KIAA0930: variants seen among roughly 807,000 people sequenced by gnomAD.
KIAA0930 encodes the protein KIAA0930, also known as uncharacterized protein KIAA0930.
Under a neutral mutation model 43.9 loss-of-function variants are expected in KIAA0930, and 24 were observed. The ratio of observed to expected loss-of-function variants is 0.55; its 90% CI spans 0.40 to 0.77. The LOEUF is 0.77. Among genes scored for constraint, KIAA0930 ranks in the 30% least tolerant of loss-of-function variants. The pLI is 0.00. For missense variants in KIAA0930, 461 were observed against 574.2 expected, an observed-to-expected ratio of 0.80 and a Z score of 2.02; for synonymous variants, 259 against 216.4, an observed-to-expected ratio of 1.20 and a Z score of -1.73.
intron 1 of KIAA0930, among the ~76,000 whole-genome samples, chr22:45,237,935 T>A (rs2083896716): frequency 2.0e-5 from 3 of 151,956 alleles, no homozygotes. Context: ...TTTTTTTTTT[T>A]TTTGAGACAG....
At position 45,198,014 on chromosome 22, in the gene KIAA0930, A is replaced by C. The variant is rs79505223; in HGVS notation, c.1016-66T>G. 10,693 of 1,541,290 alleles carry C rather than the reference A, an allele frequency of 6.9e-3. 551 individuals carry two copies. The African/African-American group carries it at 0.12, about 17-fold the overall frequency. The stretch of plus-strand genomic sequence containing the variant: ...GACGCGGCGGGAGCAGCAGGAGGCC[A>C]GCTCCCAGTCCAGGCTGAGGCCAAA... On this transcript the variant is annotated intron_variant, in intron 8 of 9. Coordinates refer to ENST00000336156, the MANE Select transcript of KIAA0930 (RefSeq NM_001009880.2).
chr22:45,221,294 T>C (rs548761753), intron 1 of KIAA0930, among the ~76,000 whole-genome samples: 61 of 152,352 alleles, frequency 4.0e-4, no homozygotes, highest in South Asian at 1.0e-3. Flanking sequence ...AGAGAAAATA[T>C]CTTCAGCTTT....
chr22:45,211,175 C>T (rs1027184791), intron 2 of KIAA0930, among the ~76,000 whole-genome samples: 6 of 152,214 alleles, frequency 3.9e-5, no homozygotes, highest in African/African-American at 1.2e-4. Flanking sequence ...ACCATGGCCC[C>T]GGAGTTACAG....
At position 45,204,970 on chromosome 22, in the gene KIAA0930, G is replaced by A. The variant is rs150116410; in HGVS notation, c.516+247C>T. Among the ~76,000 whole-genome samples, 289 of 152,286 alleles carry A rather than the reference G, an allele frequency of 1.9e-3. 4 individuals carry two copies. The highest frequency in any genetic ancestry group is 0.017 in the East Asian group (90 of 5,168). On this transcript the variant is annotated intron_variant, in intron 5 of 9. Transcript: ENST00000336156. ...CAGGAGCCTTTTAGTCTTCAGCCCT[G>A]ACAGTAAGTAGGACAGATGATCATG...
chr22:45,235,487 C>G (rs1436247387), intron 1 of KIAA0930: 6 of 152,390 alleles, frequency 3.9e-5, no homozygotes, highest in African/African-American at 1.4e-4. Flanking sequence ...CACACGGCCA[C>G]ACTTCCTCCC....
At chr22:45,205,977 T>C in intron 2 of KIAA0930, 65 bp from the exon 3 acceptor site, 2 of 1,589,888 alleles carry the variant, frequency 1.3e-6, no homozygotes, top group East Asian at 2.2e-5. Flanking sequence ...CTTCCCTGAC[T>C]ACTATGCAGG....
intron 1 of KIAA0930, chr22:45,213,263 C>T (rs895595542): frequency 5.5e-6 from 7 of 1,263,178 alleles, no homozygotes; most frequent in Non-Finnish European, 7.3e-6. Flanking sequence ...CCTCGGCCCT[C>T]AGCCCTCAGC....
intron 1 of KIAA0930, among the ~76,000 whole-genome samples, chr22:45,215,909 T>C (rs1292010806): frequency 6.6e-6 from 1 of 152,066 alleles, no homozygotes; most frequent in East Asian, 1.9e-4. Context: ...GTGCCTGTAG[T>C]CCCAGCTACT....
At chr22:45,228,046 A>G (rs181916104) in intron 1 of KIAA0930, among the ~76,000 whole-genome samples, 7 of 152,326 alleles carry the variant, frequency 4.6e-5, no homozygotes, top group Admixed American at 3.9e-4. Flanking sequence ...GGCTGGCAGG[A>G]GGGACCTGCA....
chr22:45,234,645 TAC>T (rs1170088236), intron 1 of KIAA0930, among the ~76,000 whole-genome samples: 2 of 152,188 alleles, frequency 1.3e-5, no homozygotes, highest in Admixed American at 6.5e-5. Context: ...ATAATCCAAA[TAC>T]AGACACCTTT....
At chr22:45,206,895 C>T (rs1487456697) in intron 2 of KIAA0930, among the ~76,000 whole-genome samples, 1 of 152,024 alleles carries the variant, frequency 6.6e-6, no homozygotes, top group Non-Finnish European at 1.5e-5. Flanking sequence ...GACAGGATTT[C>T]ACCATGTTGG....
chr22:45,209,852 C>T (rs1292552942), intron 2 of KIAA0930, among the ~76,000 whole-genome samples: 2 of 152,150 alleles, frequency 1.3e-5, no homozygotes, highest in African/African-American at 2.4e-5. Context: ...CCTCACTGAC[C>T]TCGACACCCC....
rs1183954557 is a variant in KIAA0930 at position 45,234,072 on chromosome 22, CTGGT to C, written c.64+6564_64+6567del. 2.0e-5 allele frequency among the ~76,000 whole-genome samples: 3 copies of C among 152,316 alleles called. No homozygotes were observed. The East Asian group carries it at 5.8e-4, about 29-fold the overall frequency. ...TGTCTACAGCAGTGACAGGGAGAGG[CTGGT>C]TGAATTCTGAGACCCGGGGGCCTTG... On this transcript the variant is annotated intron_variant, in intron 1 of 9. Coordinates refer to ENST00000336156, the MANE Select transcript of KIAA0930 (RefSeq NM_001009880.2).
chr22:45,228,693 C>T lies in KIAA0930; in HGVS notation c.64+11947G>A, dbSNP rs935701823. Among the ~76,000 whole-genome samples, 15 of 149,436 alleles carry T rather than the reference C, an allele frequency of 1.0e-4. No homozygotes were observed. In the East Asian group the frequency reaches 2.8e-3, roughly 28 times the overall value. ...CCTCTTCACCGGAAAGATCCCTCTC[C>T]ACCCCCCCAACCACCAAACACTCAC... On this transcript the variant is annotated intron_variant, in intron 1 of 9. Coordinates refer to ENST00000336156, the MANE Select transcript of KIAA0930 (RefSeq NM_001009880.2).
chr22:45,238,265 G>A lies in KIAA0930; in HGVS notation c.64+2375C>T, dbSNP rs115193236. On this transcript the variant is annotated intron_variant, in intron 1 of 9. Coordinates refer to ENST00000336156, the MANE Select transcript of KIAA0930 (RefSeq NM_001009880.2). ...CTAAGAAGCTAAGATTCCCATCTCC[G>A]TGGCCCTCCACGCCCTTCATCTGCC... Among the ~76,000 whole-genome samples, 1,028 of 152,278 alleles carry A rather than the reference G, an allele frequency of 6.8e-3. 5 individuals are homozygous for A. Among genetic ancestry groups the A allele is most frequent in the African/African-American group, 0.023 (969 of 41,556 alleles).
chr22:45,212,516 A>C, intron 1 of KIAA0930: 3 of 1,414,162 alleles, frequency 2.1e-6, no homozygotes, highest in Non-Finnish European at 2.8e-6. Flanking sequence ...TCTCACCAAC[A>C]TCTCTCACCC....
In KIAA0930 at chr22:45,226,221, C is replaced by T. The variant is rs78858292; in HGVS notation, c.65-14114G>A. 2.7e-3 allele frequency: 1,269 copies of T among 470,784 alleles called. 14 individuals carry two copies. Among genetic ancestry groups the T allele is most frequent in the African/African-American group, 0.023 (1,142 of 50,192 alleles). 29.2% of individuals were successfully genotyped at this position (470,784 alleles called of 1,614,324 possible). A position where few individuals can be genotyped will look rare whatever the true frequency, so the allele number is the denominator to read the frequency against. ...GACTTGCACAACGCTGTGAAATCCTCGAAGTGCTTTCACAATCCCCAGGCC... is the reference window on the plus strand; with the variant it reads ...GACTTGCACAACGCTGTGAAATCCTTGAAGTGCTTTCACAATCCCCAGGCC... On this transcript the variant is annotated intron_variant, in intron 1 of 9. Coordinates refer to ENST00000336156, the MANE Select transcript of KIAA0930 (RefSeq NM_001009880.2).
At chr22:45,221,140 A>G (rs1041558905) in intron 1 of KIAA0930, among the ~76,000 whole-genome samples, 1 of 152,170 alleles carries the variant, frequency 6.6e-6, no homozygotes, top group African/African-American at 2.4e-5. Flanking sequence ...TAAAATTGCA[A>G]ATCCCACCCT....
At chr22:45,238,101 A>G (rs1041998139) in intron 1 of KIAA0930, among the ~76,000 whole-genome samples, 1 of 148,240 alleles carries the variant, frequency 6.7e-6, no homozygotes, top group Non-Finnish European at 1.5e-5. Context: ...TTTTTTTTGT[A>G]TTTTTAGTAG....
Sources: gnomAD v4.1 joint callset for allele counts (sites outside exome capture counted in the v4.1 genomes callset) on GRCh38, gnomAD v4.1.1 for gene constraint, MANE v1.5 for transcripts, NCBI Gene and HGNC (gene_info 2026-07-23, HGNC 2026-07-21) for gene names.